NRXN2: variants seen among roughly 807,000 people sequenced by gnomAD.
NRXN2 encodes neurexin-2-beta.
Under a neutral mutation model 128.8 loss-of-function variants are expected in NRXN2, and 29 were observed. The ratio of observed to expected loss-of-function variants is 0.23; its 90% CI spans 0.17 to 0.31. The LOEUF (loss-of-function observed/expected upper bound fraction) is 0.31, where lower values mean the gene tolerates loss of function less well. Among genes scored for constraint, NRXN2 ranks in the 10% least tolerant of loss-of-function variants. NRXN2 has a pLI of 1.00. For synonymous variants in NRXN2, 1,098 were observed against 1,075.2 expected, an observed-to-expected ratio of 1.02 and a Z score of -0.41; for missense variants, 1,881 against 2,452.6, an observed-to-expected ratio of 0.77 and a Z score of 4.92.
chr11:64,623,309 C>A lies in NRXN2; in HGVS notation c.3848-231G>T. The A allele has an allele frequency of 1.5e-6, 1 of 664,714 alleles. No homozygotes were observed. 41.2% of individuals were successfully genotyped at this position (664,714 alleles called of 1,614,324 possible). On this transcript the variant is annotated intron_variant, in intron 20 of 22. Coordinates refer to ENST00000265459, the MANE Select transcript of NRXN2 (RefSeq NM_015080.4). This position sits in a 1 kb window ranked among gnomAD's most constrained non-coding sequence, Gnocchi z 4.9. ...GGGGACCCCAGAAGGGGAGGGCACC[C>A]AGGGTACACATGGGCTGGGGAAGGG...
At chr11:64,695,762 C>T (rs755675993) in intron 3 of NRXN2, among the ~76,000 whole-genome samples, 1 of 151,966 alleles carries the variant, frequency 6.6e-6, no homozygotes, top group Non-Finnish European at 1.5e-5. Context: ...CAATACACAG[C>T]CCTGCACAGC....
chr11:64,687,456 G>C (rs1436101669), intron 5 of NRXN2, among the ~76,000 whole-genome samples: 1 of 152,240 alleles, frequency 6.6e-6, no homozygotes, highest in East Asian at 1.9e-4. Flanking sequence ...CCCAGAGCCT[G>C]GCACAGCACT....
At chr11:64,626,821 A>C (rs1336681261) in intron 19 of NRXN2, among the ~76,000 whole-genome samples, 1 of 152,192 alleles carries the variant, frequency 6.6e-6, no homozygotes, top group East Asian at 1.9e-4. Context: ...AAAGAAAGGG[A>C]GCTGGAAGGT....
intron 5 of NRXN2, among the ~76,000 whole-genome samples, chr11:64,689,037 GCTGGGCT>G (rs2053476898): frequency 6.6e-6 from 1 of 152,124 alleles, no homozygotes; most frequent in South Asian, 2.1e-4. Flanking sequence ...TGGTCACAAA[GCTGGGCT>G]CTAAGTCCCA....
Position 64,648,735 on chromosome 11 carries a change from A to G in NRXN2, c.3282T>C (p.Asp1094=), listed in dbSNP as rs771410886. The change falls in exon 16 of 23, where the codon GAT becomes GAC. Residue 1094 remains aspartate (D), a splice_region_variant and synonymous_variant. Coordinates refer to ENST00000265459, the MANE Select transcript of NRXN2 (RefSeq NM_015080.4). The surrounding 1 kb of genome is among the most constrained non-coding windows in gnomAD (Gnocchi z 4.1). ...HRIGQVERGC[D]GPSTTCTEES... is the part of the protein sequence containing the mutation. ...CTCACTCCTCCACCCTCCACTCACCATCACAGCCCCTCTCCACCTGCCCAA... is the reference window on the plus strand; with the variant it reads ...CTCACTCCTCCACCCTCCACTCACCGTCACAGCCCCTCTCCACCTGCCCAA... 2.5e-6 allele frequency: 4 copies of G among 1,613,580 alleles called. No individual in the cohort carries two copies. The highest frequency in any genetic ancestry group is 3.4e-6 in the Non-Finnish European group (4 of 1,179,952).
intron 7 of NRXN2, among the ~76,000 whole-genome samples, chr11:64,673,340 T>G (rs2050868470): frequency 6.6e-6 from 1 of 152,198 alleles, no homozygotes; most frequent in African/African-American, 2.4e-5. Flanking sequence ...TTGCTTTATA[T>G]CCACCCTCTC....
At chr11:64,614,057 T>G (rs1178388509) in intron 22 of NRXN2, among the ~76,000 whole-genome samples, 1 of 152,004 alleles carries the variant, frequency 6.6e-6, no homozygotes, top group Non-Finnish European at 1.5e-5. Context: ...CTGGCTGGTT[T>G]GCAAGCAGAA....
chr11:64,614,759 G>C (rs1192386063), intron 22 of NRXN2, among the ~76,000 whole-genome samples: 1 of 152,260 alleles, frequency 6.6e-6, no homozygotes, highest in South Asian at 2.1e-4. Flanking sequence ...GTATCGGGCT[G>C]TGGGAGCAGT....
At chr11:64,672,556 G>A (rs2050770810) in intron 7 of NRXN2, among the ~76,000 whole-genome samples, 1 of 152,134 alleles carries the variant, frequency 6.6e-6, no homozygotes, top group Non-Finnish European at 1.5e-5. Flanking sequence ...GATATTGTGT[G>A]CAAAACTGCC....
rs2046971548 is a variant in NRXN2 at position 64,648,144 on chromosome 11, C to T, written c.3403+75G>A. 2 of 1,604,096 alleles carry T rather than the reference C, an allele frequency of 1.2e-6. No homozygotes were observed. The highest frequency in any genetic ancestry group is 1.7e-5 in the Admixed American group (1 of 59,992). On this transcript the variant is annotated intron_variant, in intron 17 of 22. Transcript: ENST00000265459. This position sits in a 1 kb window ranked among gnomAD's most constrained non-coding sequence, Gnocchi z 4.1. ...TCCTGAATGCTCAGAGGCCCTGTTT[C>T]CTCCCTGGCAGCCCCTATGGCTGGG... is the stretch of plus-strand genomic sequence containing the variant.
intron 12 of NRXN2, 29 bp from the exon 13 acceptor site, chr11:64,652,183 G>C (rs1182586354): frequency 6.2e-7 from 1 of 1,602,142 alleles, no homozygotes; most frequent in Non-Finnish European, 8.5e-7. Flanking sequence ...AATGAGGAGG[G>C]CACCTATACA....
chr11:64,625,386 G>A (rs2042935659), intron 20 of NRXN2, among the ~76,000 whole-genome samples: 2 of 152,356 alleles, frequency 1.3e-5, no homozygotes, highest in African/African-American at 2.4e-5. Context: ...CCGCTGGAGA[G>A]AGCAGCCCAG....
chr11:64,696,536 C>CAG (rs2054563646), intron 3 of NRXN2, among the ~76,000 whole-genome samples: 3 of 149,596 alleles, frequency 2.0e-5, no homozygotes, highest in Middle Eastern at 6.8e-3. Flanking sequence ...CATACACACA[C>CAG]ACACACACAC....
chr11:64,638,104 C>A (rs896095850), intron 17 of NRXN2, among the ~76,000 whole-genome samples: 8 of 152,276 alleles, frequency 5.3e-5, no homozygotes, highest in African/African-American at 1.9e-4. Context: ...GGCCCCAGGA[C>A]AGGGACTGGC....
rs2039826515 is a variant in NRXN2 at position 64,607,548 on chromosome 11, A to G, written c.4787T>C (p.Leu1596Pro). The change falls in exon 23 of 23, where the codon CTG (leucine) becomes CCG (proline). Residue 1596 changes from leucine to proline, a missense_variant. Physicochemically the swap from Leu to Pro is moderately conservative, Grantham distance 98. Around this residue, in one of 7 missense-constraint regions of NRXN2, gnomAD observed 310 missense variants for 318.2 expected, o/e 0.97. Coordinates refer to ENST00000265459, the MANE Select transcript of NRXN2 (RefSeq NM_015080.4). The part of the protein sequence containing the change: ...TSFEPRRPPP[L>P]RPGVTSAPGF... ...GGGGGCTGAGGTCACGCCGGGGCGC[A>G]GGGGAGGGGGCCTCCGCGGCTCAAA... The G allele has an allele frequency of 1.3e-6, 2 of 1,549,516 alleles. No individual in the cohort carries two copies. The highest frequency in any genetic ancestry group is 2.3e-5 in the South Asian group (2 of 86,472).
At chr11:64,665,225 G>A (rs2135502320) in intron 9 of NRXN2, among the ~76,000 whole-genome samples, 1 of 151,360 alleles carries the variant, frequency 6.6e-6, no homozygotes, top group East Asian at 1.9e-4. Flanking sequence ...AGGTTGCAGT[G>A]AGCCGAGATC....
chr11:64,703,671 A>G (rs985873645), intron 2 of NRXN2, among the ~76,000 whole-genome samples: 2 of 152,142 alleles, frequency 1.3e-5, no homozygotes, highest in African/African-American at 4.8e-5. Flanking sequence ...TCCTGGTGGG[A>G]AAGCCCTGCC....
At chr11:64,650,218 T>C (rs1194249558) in intron 15 of NRXN2, among the ~76,000 whole-genome samples, 1 of 152,020 alleles carries the variant, frequency 6.6e-6, no homozygotes, top group South Asian at 2.1e-4. Context: ...AAGCACCCTG[T>C]GAGACGCATC....
chr11:64,651,901 A>G lies in NRXN2; in HGVS notation c.2536+134T>C. Reference sequence around the variant, plus strand: ...AGATGCCCATAACATTCCACCCCTGAAGGAGAAATGGCAGAGGCAGCTTGC... The same window carrying G: ...AGATGCCCATAACATTCCACCCCTGGAGGAGAAATGGCAGAGGCAGCTTGC... On this transcript the variant is annotated intron_variant, in intron 13 of 22. Transcript: ENST00000265459. This position sits in a 1 kb window ranked among gnomAD's most constrained non-coding sequence, Gnocchi z 5.9. 2 of 1,388,594 alleles carry G rather than the reference A, an allele frequency of 1.4e-6. No homozygotes were observed. The highest frequency in any genetic ancestry group is 2.0e-6 in the Non-Finnish European group (2 of 991,162). 86.0% of individuals were successfully genotyped at this position (1,388,594 alleles called of 1,614,324 possible).
Sources: allele counts gnomAD v4.1 joint callset (sites outside exome capture counted in the v4.1 genomes callset), GRCh38; gene constraint gnomAD v4.1.1; regional missense constraint gnomAD v4.1.1; non-coding constraint Gnocchi (gnomAD v3.1); transcripts MANE v1.5; gene names NCBI Gene and HGNC (gene_info 2026-07-23, HGNC 2026-07-21).